Variants in MDH1B observed in about 807,000 individuals in gnomAD.
MDH1B encodes putative malate dehydrogenase 1B.
In MDH1B, 60 loss-of-function variants were observed where a neutral mutation model predicts 61.4. The ratio of observed to expected loss-of-function variants is 0.98; its 90% CI spans 0.79 to 1.21. The LOEUF is 1.21. Ranked by LOEUF, MDH1B falls within the 50% of genes most tolerant of loss-of-function variation. The pLI is 0.00. For missense variants in MDH1B, 587 were observed against 632.1 expected, an observed-to-expected ratio of 0.93 and a Z score of 0.76; for synonymous variants, 236 against 218.7, an observed-to-expected ratio of 1.08 and a Z score of -0.70.
chr2:206,746,945 T>C (rs2105926117), intron 7 of MDH1B, among the ~76,000 whole-genome samples: 1 of 152,290 alleles, frequency 6.6e-6, no homozygotes, highest in Non-Finnish European at 1.5e-5. Context: ...TATTTCTATG[T>C]CTTAAGCAGA....
At chr2:206,757,433 C>A in intron 2 of MDH1B, 62 bp from the exon 3 acceptor site, 1 of 1,535,034 alleles carries the variant, frequency 6.5e-7, no homozygotes, top group Non-Finnish European at 8.9e-7. Flanking sequence ...CAATTTCATA[C>A]TTTAGAATTC....
intron 11 of MDH1B, among the ~76,000 whole-genome samples, chr2:206,738,816 C>A (rs1300878577): frequency 6.6e-6 from 1 of 150,610 alleles, no homozygotes; most frequent in African/African-American, 2.5e-5. Context: ...TTCTGCTCGA[C>A]TTTGCTGCTC....
At position 206,755,259 on chromosome 2, in the gene MDH1B, C is replaced by G; in HGVS notation, c.660G>C (p.Lys220Asn). The G allele has an allele frequency of 6.2e-7, 1 of 1,614,234 alleles. No homozygotes were observed. Among genetic ancestry groups the G allele is most frequent in the African/African-American group, 1.3e-5 (1 of 75,066 alleles). Reference protein sequence around the residue: ...VIVVLDDSTNKEVFTLEDCLR... With the variant: ...VIVVLDDSTNNEVFTLEDCLR... ...GGCAGTCCTCCAGAGTGAACACCTC[C>G]TTGTTGGTGCTGTCATCCAGCACCA... The change falls in exon 5 of 12, where the codon AAG becomes AAC. Residue 220 changes from lysine (K) to asparagine (N), a missense_variant. Transcript: ENST00000374412.
At chr2:206,749,794 T>C (rs780799509) in intron 6 of MDH1B, among the ~76,000 whole-genome samples, 6 of 152,188 alleles carry the variant, frequency 3.9e-5, no homozygotes, top group Non-Finnish European at 8.8e-5. Context: ...AAAGCAAAGG[T>C]GCCGAATGTA....
intron 5 of MDH1B, among the ~76,000 whole-genome samples, chr2:206,754,631 T>C (rs1688649822): frequency 6.6e-6 from 1 of 152,176 alleles, no homozygotes; most frequent in African/African-American, 2.4e-5. Context: ...AAATGACGGC[T>C]CAAGATCATA....
chr2:206,758,979 T>C (rs1178539742), intron 2 of MDH1B, among the ~76,000 whole-genome samples: 1 of 151,206 alleles, frequency 6.6e-6, no homozygotes, highest in Admixed American at 6.6e-5. Flanking sequence ...TTTTTTTTTC[T>C]TTATTTAAAC....
chr2:206,738,595 G>A (rs1574614593), intron 11 of MDH1B, 84 bp from the exon 12 acceptor site: 1 of 957,502 alleles, frequency 1.0e-6, no homozygotes, highest in East Asian at 2.5e-5. Context: ...TTTGTTTGCT[G>A]GATTCCTGTA....
At chr2:206,751,851 A>G (rs576541084) in intron 5 of MDH1B, among the ~76,000 whole-genome samples, 8 of 152,350 alleles carry the variant, frequency 5.3e-5, no homozygotes, top group East Asian at 3.9e-4. Flanking sequence ...CTTTAAATAA[A>G]TAATTTTATT....
Position 206,758,779 on chromosome 2 carries a change from C to CA in MDH1B, c.136-1409dup, listed in dbSNP as rs1477566364. Among the ~76,000 whole-genome samples, 585 of 147,906 alleles carry CA rather than the reference C, an allele frequency of 4.0e-3. 8 individuals are homozygous for CA. Among genetic ancestry groups the CA allele is most frequent in the African/African-American group, 0.012 (500 of 40,244 alleles). The stretch of plus-strand genomic sequence containing the variant: ...GAAACTCCATCTCAAAACACACACA[C>CA]ACAAAAAAAAAACTAGTGAACGTGG... On this transcript the variant is annotated intron_variant, in intron 2 of 11. Coordinates refer to ENST00000374412, the MANE Select transcript of MDH1B (RefSeq NM_001039845.3).
intron 6 of MDH1B, among the ~76,000 whole-genome samples, chr2:206,749,855 G>A (rs1369120030): frequency 6.6e-6 from 1 of 152,166 alleles, no homozygotes; most frequent in South Asian, 2.1e-4. Flanking sequence ...TTCAGTTTTT[G>A]GTGCATTTCA....
rs115012397 is a variant in MDH1B at position 206,758,906 on chromosome 2, G to C, written c.136-1535C>G. Among the ~76,000 whole-genome samples, 1,494 of 151,996 alleles carry C rather than the reference G, an allele frequency of 9.8e-3. 31 individuals carry two copies. Among genetic ancestry groups the C allele is most frequent in the African/African-American group, 0.034 (1,412 of 41,440 alleles). ...TGATAAGGAATGCACTGGTGAGAGG[G>C]GTCCTGGTGTCACTGAGGAGCCCAG... is the stretch of plus-strand genomic sequence containing the variant. On this transcript the variant is annotated intron_variant, in intron 2 of 11. Transcript: ENST00000374412.
chr2:206,744,635 T>C (rs1687991532), intron 9 of MDH1B, among the ~76,000 whole-genome samples: 1 of 152,080 alleles, frequency 6.6e-6, no homozygotes, highest in South Asian at 2.1e-4. Context: ...CAAAAAGATA[T>C]GCTGAAGTTG....
Position 206,739,482 on chromosome 2 carries a change from G to A in MDH1B, c.1528+111C>T, listed in dbSNP as rs1687685338. 9 of 939,270 alleles carry A rather than the reference G, an allele frequency of 9.6e-6. No homozygotes were observed. The South Asian group carries it at 1.4e-4, about 15-fold the overall frequency. 58.2% of individuals were successfully genotyped at this position (939,270 alleles called of 1,614,324 possible). A position where few individuals can be genotyped will look rare whatever the true frequency, so the allele number is the denominator to read the frequency against. On this transcript the variant is annotated intron_variant, in intron 11 of 11. Coordinates refer to ENST00000374412, the MANE Select transcript of MDH1B (RefSeq NM_001039845.3). ...AAGGCTGGGTCCCTGGGGAATGTGG[G>A]AAGTGGGGAGGGTTTGACAAGAATA...
intron 2 of MDH1B, among the ~76,000 whole-genome samples, chr2:206,759,758 C>T (rs1456887920): frequency 6.6e-6 from 1 of 152,188 alleles, no homozygotes; most frequent in Non-Finnish European, 1.5e-5. Flanking sequence ...CACCTGAACT[C>T]CCTGGCAATT....
intron 7 of MDH1B, among the ~76,000 whole-genome samples, chr2:206,748,340 T>A (rs573761603): frequency 6.6e-6 from 1 of 152,274 alleles, no homozygotes; most frequent in South Asian, 2.1e-4. Context: ...GATGGTGCCA[T>A]TGCACCCCAG....
chr2:206,751,391 A>G (rs1352918243), intron 5 of MDH1B, among the ~76,000 whole-genome samples: 2 of 151,522 alleles, frequency 1.3e-5, no homozygotes, highest in Non-Finnish European at 2.9e-5. Flanking sequence ...TTTGCTTACC[A>G]TTGAGAGAGA....
chr2:206,757,024 G>A lies in MDH1B; in HGVS notation c.287C>T (p.Thr96Ile), dbSNP rs1359134385. Residue 96 changes from threonine (T) to isoleucine (I), a missense_variant, in exon 4 of 12, where the codon ACC (threonine) becomes ATC (isoleucine). Transcript: ENST00000374412. The part of the protein sequence containing the change: ...LEHAQLYYDV[T>I]SSMTTELMMV... Reference sequence around the variant, plus strand: ...CATCAGTTCAGTCGTCATGCTAGAGGTGACATCATAGTAAAGCTAAATATT... The same window carrying A: ...CATCAGTTCAGTCGTCATGCTAGAGATGACATCATAGTAAAGCTAAATATT... 1.2e-6 allele frequency: 2 copies of A among 1,613,574 alleles called. No homozygotes were observed. The highest frequency in any genetic ancestry group is 2.2e-5 in the South Asian group (2 of 91,032).
chr2:206,739,345 C>T, intron 11 of MDH1B, among the ~76,000 whole-genome samples: 1 of 151,866 alleles, frequency 6.6e-6, no homozygotes, highest in East Asian at 1.9e-4. Context: ...ATCTAGGAGG[C>T]TGAGGTTGCA....
In MDH1B at chr2:206,750,943, A is replaced by G; in HGVS notation, c.1043T>C (p.Ile348Thr). The change falls in exon 6 of 12, where the codon ATT becomes ACT. Residue 348 changes from isoleucine (I) to threonine (T), a missense_variant. Transcript: ENST00000374412. ...LHYSRPVLNL[I>T]FDSEWVKREF... is the part of the protein sequence containing the mutation. Reference sequence around the variant, plus strand: ...TCAAAATATACTGTACCTGTCAAAAATCAAGTTTAAAACAGGGCGTGAATA... The same window carrying G: ...TCAAAATATACTGTACCTGTCAAAAGTCAAGTTTAAAACAGGGCGTGAATA... 1.9e-6 allele frequency: 3 copies of G among 1,606,452 alleles called. No individual in the cohort carries two copies. The highest frequency in any genetic ancestry group is 2.5e-6 in the Non-Finnish European group (3 of 1,176,762).
Sources: allele counts gnomAD v4.1 joint callset (sites outside exome capture counted in the v4.1 genomes callset), GRCh38; gene constraint gnomAD v4.1.1; transcripts MANE v1.5; gene names NCBI Gene and HGNC (gene_info 2026-07-23, HGNC 2026-07-21).